Variants in CSMD1 observed in about 807,000 individuals in gnomAD.
CSMD1 encodes CUB and Sushi multiple domains 1.
CSMD1 carries 213 observed loss-of-function variants against 417.5 expected under a neutral mutation model. That is an observed-to-expected ratio of 0.51 (90% CI 0.46 to 0.57). The LOEUF is 0.57. Among genes scored for constraint, CSMD1 ranks in the 20% least tolerant of loss-of-function variants. The pLI, the probability that CSMD1 is intolerant of heterozygous loss-of-function variation, is 0.00. For missense variants in CSMD1, 6,923 were observed against 4,529.7 expected, an observed-to-expected ratio of 1.53 and a Z score of -15.17; for synonymous variants, 2,862 against 1,736.8, an observed-to-expected ratio of 1.65 and a Z score of -16.11.
chr8:3,537,152 C>T (rs994277132), intron 10 of CSMD1, among the ~76,000 whole-genome samples: 4 of 151,962 alleles, frequency 2.6e-5, no homozygotes, highest in Non-Finnish European at 5.9e-5. Flanking sequence ...TACAGGTGCC[C>T]GCCACCACGC....
chr8:3,322,345 A>C (rs1335281913), intron 23 of CSMD1, among the ~76,000 whole-genome samples: 1 of 152,196 alleles, frequency 6.6e-6, no homozygotes, highest in East Asian at 1.9e-4. Context: ...TAAATGACTG[A>C]ACATTCAAAT....
intron 59 of CSMD1, among the ~76,000 whole-genome samples, chr8:2,964,191 A>C (rs1803746276): frequency 6.6e-6 from 1 of 152,226 alleles, no homozygotes; most frequent in African/African-American, 2.4e-5. Flanking sequence ...ACTACAAAAG[A>C]ACAACCGCTT....
chr8:4,903,151 G>A (rs529228286), intron 1 of CSMD1, among the ~76,000 whole-genome samples: 2 of 151,924 alleles, frequency 1.3e-5, no homozygotes, highest in Middle Eastern at 3.2e-3. Flanking sequence ...ATTTAATCTT[G>A]AACAGTTTGT....
chr8:4,209,011 C>T (rs1424082124), intron 3 of CSMD1, among the ~76,000 whole-genome samples: 1 of 152,168 alleles, frequency 6.6e-6, no homozygotes, highest in Non-Finnish European at 1.5e-5. Context: ...ATGCCGTGAA[C>T]CATAATGAAT....
At chr8:4,679,296 A>G (rs1017769037) in intron 1 of CSMD1, among the ~76,000 whole-genome samples, 17 of 152,194 alleles carry the variant, frequency 1.1e-4, no homozygotes. Flanking sequence ...TACTCTGCAG[A>G]TGCATGAAGG....
chr8:4,104,323 G>C (rs181156770), intron 3 of CSMD1, among the ~76,000 whole-genome samples: 1 of 152,256 alleles, frequency 6.6e-6, no homozygotes, highest in East Asian at 1.9e-4. Flanking sequence ...TTCTCCACAT[G>C]AGTGCTTAGA....
Position 4,974,498 on chromosome 8 carries a change from A to G in CSMD1, c.85+19834T>C, listed in dbSNP as rs201328392. ...CACTACATGTTGATGGAGAATGATC[A>G]TTACATGAAAATTATTTTTAACATA... On this transcript the variant is annotated intron_variant, in intron 1 of 69. Coordinates refer to ENST00000635120, the MANE Select transcript of CSMD1 (RefSeq NM_033225.6). Among the ~76,000 whole-genome samples, 5 of 138,974 alleles carry G rather than the reference A, an allele frequency of 3.6e-5. No homozygotes were observed. The East Asian group carries it at 9.7e-4, about 27-fold the overall frequency. 91.2% of individuals were successfully genotyped at this position (138,974 alleles called of 152,430 possible).
At chr8:3,818,814 G>C (rs980333424) in intron 5 of CSMD1, among the ~76,000 whole-genome samples, 2 of 152,144 alleles carry the variant, frequency 1.3e-5, no homozygotes, top group Admixed American at 1.3e-4. Context: ...TTCCCTTTGA[G>C]TCGCTGTTTA....
Position 3,137,979 on chromosome 8 carries a change from C to T in CSMD1, c.6241+4486G>A, listed in dbSNP as rs184769472. The stretch of plus-strand genomic sequence containing the variant: ...GTGGCTCATGCCTGTAATCCCAGCA[C>T]TTTGGGAGGATGAGGAGGGCAAATG... On this transcript the variant is annotated intron_variant, in intron 41 of 69. Coordinates refer to ENST00000635120, the MANE Select transcript of CSMD1 (RefSeq NM_033225.6). 1.8e-3 allele frequency among the ~76,000 whole-genome samples: 273 copies of T among 152,256 alleles called. 1 individual carries two copies. Among genetic ancestry groups the T allele is most frequent in the African/African-American group, 6.3e-3 (260 of 41,542 alleles).
In CSMD1 at chr8:4,676,177, T is replaced by C. The variant is rs368229565; in HGVS notation, c.86-38619A>G. ...CATGTTTTCTATATTATCAAGGTCA[T>C]AGACCCTGACCTAGGCATTGAATAG... On this transcript the variant is annotated intron_variant, in intron 1 of 69. Transcript: ENST00000635120. Among the ~76,000 whole-genome samples the C allele has an allele frequency of 4.6e-5, 7 of 152,338 alleles. No homozygotes were observed. The East Asian group carries it at 5.8e-4, about 13-fold the overall frequency.
At chr8:4,225,089 G>A (rs1365894339) in intron 3 of CSMD1, among the ~76,000 whole-genome samples, 2 of 152,244 alleles carry the variant, frequency 1.3e-5, no homozygotes, top group South Asian at 2.1e-4. Context: ...TCCAGCCTGG[G>A]GAACAGAGTG....
intron 12 of CSMD1, among the ~76,000 whole-genome samples, chr8:3,459,750 C>A (rs1056451819): frequency 1.3e-5 from 2 of 152,006 alleles, no homozygotes; most frequent in Admixed American, 1.3e-4. Context: ...AATGAGGCTG[C>A]CGGCACATGA....
chr8:3,507,676 G>C (rs997282365), intron 10 of CSMD1, among the ~76,000 whole-genome samples: 17 of 152,156 alleles, frequency 1.1e-4, no homozygotes, highest in Admixed American at 4.6e-4. Flanking sequence ...GTTGTTTCCT[G>C]ACTTTTTAAT....
intron 3 of CSMD1, among the ~76,000 whole-genome samples, chr8:4,306,367 C>A (rs73502690): frequency 6.6e-6 from 1 of 151,142 alleles, no homozygotes; most frequent in Non-Finnish European, 1.5e-5. Flanking sequence ...ATCAATGAGC[C>A]TCACTCTGAT....
intron 7 of CSMD1, among the ~76,000 whole-genome samples, chr8:3,649,170 AC>A (rs1264745049): frequency 6.6e-6 from 1 of 152,158 alleles, no homozygotes; most frequent in Non-Finnish European, 1.5e-5. Flanking sequence ...TGTGAAAACA[AC>A]TTTTCGGCAA....
intron 1 of CSMD1, among the ~76,000 whole-genome samples, chr8:4,696,070 C>T (rs997823271): frequency 3.3e-5 from 5 of 152,102 alleles, no homozygotes; most frequent in South Asian, 2.1e-4. Flanking sequence ...TGGATTTTAA[C>T]GGTATCTGGT....
chr8:4,455,647 G>C (rs372815746), intron 2 of CSMD1, among the ~76,000 whole-genome samples: 3 of 151,698 alleles, frequency 2.0e-5, no homozygotes, highest in African/African-American at 7.3e-5. Context: ...AAACGCAATT[G>C]AGGCCAGATA....
intron 49 of CSMD1, among the ~76,000 whole-genome samples, chr8:3,083,348 A>G (rs1275557838): frequency 6.6e-6 from 1 of 151,770 alleles, no homozygotes; most frequent in Non-Finnish European, 1.5e-5. Context: ...TTAATATTTT[A>G]TTTTTAACAC....
intron 2 of CSMD1, among the ~76,000 whole-genome samples, chr8:4,468,964 A>G (rs1287351665): frequency 2.0e-5 from 3 of 152,294 alleles, no homozygotes; most frequent in East Asian, 1.9e-4. Flanking sequence ...CTTCAAGAGC[A>G]TGATGTGAGA....
Sources: allele counts gnomAD v4.1 joint callset (sites outside exome capture counted in the v4.1 genomes callset), GRCh38; gene constraint gnomAD v4.1.1; transcripts MANE v1.5; gene names NCBI Gene and HGNC (gene_info 2026-07-23, HGNC 2026-07-21).